TLN2: variants seen among roughly 807,000 people sequenced by gnomAD.
TLN2 encodes talin-2.
A neutral mutation model predicts 294.7 loss-of-function variants in TLN2; 118 were observed. The ratio of observed to expected loss-of-function variants is 0.40; its 90% CI spans 0.34 to 0.47. The LOEUF is 0.47. TLN2 is among the 20% of genes least tolerant of loss of function. TLN2 has a pLI of 0.84. For synonymous variants in TLN2, 1,431 were observed against 1,304.5 expected (o/e 1.10, Z -2.09); for missense variants, 3,083 against 3,282.2 (o/e 0.94, Z 1.48).
At chr15:62,740,138 A>G (rs187050173) in intron 31 of TLN2, among the ~76,000 whole-genome samples, 1 of 151,444 alleles carries the variant, frequency 6.6e-6, no homozygotes, top group East Asian at 1.9e-4. Context: ...ATTGTTTCTC[A>G]GATGGCAACC....
At chr15:62,735,603 G>A (rs559210323) in intron 28 of TLN2, among the ~76,000 whole-genome samples, 3 of 152,194 alleles carry the variant, frequency 2.0e-5, no homozygotes, top group African/African-American at 7.2e-5. Flanking sequence ...AGGATGTAGA[G>A]CAACTGCAGT....
intron 1 of TLN2, among the ~76,000 whole-genome samples, chr15:62,400,341 T>C (rs1424836185): frequency 6.6e-6 from 1 of 152,248 alleles, no homozygotes. Context: ...CAGGTGAAAG[T>C]TAGAATCTCA....
intron 52 of TLN2, among the ~76,000 whole-genome samples, chr15:62,810,964 A>T (rs1291320547): frequency 6.6e-6 from 1 of 152,202 alleles, no homozygotes; most frequent in Non-Finnish European, 1.5e-5. Flanking sequence ...AAGTTTTCTC[A>T]TTCTGTCCTT....
chr15:62,801,122 G>A (rs559750354), intron 50 of TLN2, among the ~76,000 whole-genome samples: 1 of 152,366 alleles, frequency 6.6e-6, no homozygotes, highest in East Asian at 1.9e-4. Context: ...TGTGAACAGT[G>A]CTTAGCCTTT....
Position 62,816,594 on chromosome 15 carries a change from A to G in TLN2, c.6772-2922A>G, listed in dbSNP as rs377177923. 7.7e-4 allele frequency among the ~76,000 whole-genome samples: 118 copies of G among 152,324 alleles called. 1 individual carries two copies. Among genetic ancestry groups the G allele is most frequent in the African/African-American group, 2.8e-3 (116 of 41,572 alleles). On this transcript the variant is annotated intron_variant, in intron 52 of 58. Coordinates refer to ENST00000636159, the MANE Select transcript of TLN2 (RefSeq NM_015059.3). Reference sequence around the variant, plus strand: ...TGAAGGCCCTCCTTTTAGAGACAGAAGTCTTTCATCATTCCACTCTGTGGG... The same window carrying G: ...TGAAGGCCCTCCTTTTAGAGACAGAGGTCTTTCATCATTCCACTCTGTGGG...
At chr15:62,822,408 C>T (rs1225471262) in intron 54 of TLN2, among the ~76,000 whole-genome samples, 1 of 152,196 alleles carries the variant, frequency 6.6e-6, no homozygotes, top group African/African-American at 2.4e-5. Context: ...GAAAGAAAAC[C>T]AGGAAGCTCG....
intron 2 of TLN2, among the ~76,000 whole-genome samples, chr15:62,606,218 A>T (rs2140802561): frequency 6.6e-6 from 1 of 151,014 alleles, no homozygotes; most frequent in Admixed American, 6.6e-5. Context: ...TGCAGCTGGG[A>T]CTATAGGCAC....
intron 1 of TLN2, among the ~76,000 whole-genome samples, chr15:62,477,711 G>C (rs2037849486): frequency 1.3e-5 from 2 of 152,032 alleles, no homozygotes; most frequent in South Asian, 4.2e-4. Context: ...CTGGGCCCAT[G>C]GGGCACTTGC....
intron 1 of TLN2, among the ~76,000 whole-genome samples, chr15:62,510,453 T>C (rs1428908549): frequency 6.6e-6 from 1 of 152,244 alleles, no homozygotes; most frequent in Non-Finnish European, 1.5e-5. Context: ...GATGATGAGA[T>C]GGCATAGAAA....
At chr15:62,604,828 A>C (rs2047299892) in intron 2 of TLN2, among the ~76,000 whole-genome samples, 1 of 151,942 alleles carries the variant, frequency 6.6e-6, no homozygotes, top group Admixed American at 6.6e-5. Context: ...ACACAGACGC[A>C]AGCCTACCAT....
chr15:62,397,325 A>G (rs754242515), intron 1 of TLN2, among the ~76,000 whole-genome samples: 44 of 152,222 alleles, frequency 2.9e-4, no homozygotes, highest in Non-Finnish European at 5.1e-4. Context: ...TTGTACAATC[A>G]CACCTCACTA....
intron 1 of TLN2, among the ~76,000 whole-genome samples, chr15:62,581,735 AG>A (rs935383380): frequency 1.3e-5 from 2 of 152,108 alleles, no homozygotes; most frequent in African/African-American, 4.8e-5. Flanking sequence ...CACAGACCCC[AG>A]GTTTGTAGCA....
chr15:62,641,914 C>G (rs375705003), intron 3 of TLN2, among the ~76,000 whole-genome samples: 59 of 152,348 alleles, frequency 3.9e-4, no homozygotes, highest in African/African-American at 1.4e-3. Flanking sequence ...AAGGAGGCCT[C>G]TGCTGGAGCT....
chr15:62,817,078 C>T (rs1348117615), intron 52 of TLN2, among the ~76,000 whole-genome samples: 2 of 152,084 alleles, frequency 1.3e-5, no homozygotes, highest in African/African-American at 2.4e-5. Flanking sequence ...CTGTTGTGGT[C>T]GCTTAATAAA....
chr15:62,832,285 A>G (rs898373402), intron 54 of TLN2: 3 of 152,190 alleles, frequency 2.0e-5, no homozygotes, highest in African/African-American at 7.2e-5. Context: ...TGTGTTACAT[A>G]TATTTTACCA....
intron 1 of TLN2, among the ~76,000 whole-genome samples, chr15:62,576,726 G>C (rs551088876): frequency 2.3e-5 from 3 of 129,220 alleles, no homozygotes; most frequent in South Asian, 4.8e-4. Context: ...AGACTTTGCT[G>C]TTTGAATATA....
chr15:62,701,867 T>A, intron 17 of TLN2, 125 bp from the exon 18 acceptor site: 1 of 1,099,388 alleles, frequency 9.1e-7, no homozygotes, highest in Non-Finnish European at 1.3e-6. Flanking sequence ...ACTGTGCTCA[T>A]GTGAAGCTTG....
intron 16 of TLN2, among the ~76,000 whole-genome samples, chr15:62,700,832 A>G (rs2058672620): frequency 6.6e-6 from 1 of 152,204 alleles, no homozygotes; most frequent in Admixed American, 6.5e-5. Flanking sequence ...AAATAAGGCC[A>G]CGTGGAATTT....
rs534621801 is a variant in TLN2, at chr15:62,426,302, A to C, written c.-238+35617A>C. Among the ~76,000 whole-genome samples, 11 of 152,334 alleles carry C rather than the reference A, an allele frequency of 7.2e-5. No homozygotes were observed. In the South Asian group the frequency reaches 2.3e-3, roughly 32 times the overall value. On this transcript the variant is annotated intron_variant, in intron 1 of 58. Coordinates refer to ENST00000636159, the MANE Select transcript of TLN2 (RefSeq NM_015059.3). ...CTTTTTCCCTCTCCCCATTTCATTT[A>C]AATGTTTCAGCAGGCATTTATTAGG...
Sources: gnomAD v4.1 joint callset for allele counts (sites outside exome capture counted in the v4.1 genomes callset) on GRCh38, gnomAD v4.1.1 for gene constraint, MANE v1.5 for transcripts, NCBI Gene and HGNC (gene_info 2026-07-23, HGNC 2026-07-21) for gene names.